LMBRD1: variants seen among roughly 807,000 people sequenced by gnomAD.
LMBRD1 encodes LMBR1 domain containing 1.
LMBRD1 carries 64 observed loss-of-function variants against 74.8 expected under a neutral mutation model. The ratio of observed to expected loss-of-function variants is 0.86; its 90% CI spans 0.70 to 1.05. The LOEUF (loss-of-function observed/expected upper bound fraction) is 1.05, where lower values mean the gene tolerates loss of function less well. Among genes scored for constraint, LMBRD1 ranks in the 50% least tolerant of loss-of-function variants. The probability of loss-of-function intolerance (pLI) is 0.00; values close to 1 mark genes in which losing one functional copy is unlikely to be tolerated. For synonymous variants in LMBRD1, 204 were observed against 216.3 expected (o/e 0.94, Z 0.50); for missense variants, 652 against 645.9 (o/e 1.01, Z -0.10).
chr6:69,773,649 T>C (rs1765620491), intron 3 of LMBRD1, among the ~76,000 whole-genome samples: 1 of 152,228 alleles, frequency 6.6e-6, no homozygotes, highest in African/African-American at 2.4e-5. Flanking sequence ...ACTACAAAAT[T>C]GTTTTAACAG....
intron 2 of LMBRD1, among the ~76,000 whole-genome samples, chr6:69,789,523 T>G (rs1455288698): frequency 6.6e-6 from 1 of 151,536 alleles, no homozygotes; most frequent in Non-Finnish European, 1.5e-5. Flanking sequence ...TGAGCCTCTA[T>G]CTCAACAAAA....
chr6:69,701,926 C>T lies in LMBRD1; in HGVS notation c.943G>A (p.Val315Ile). Reference protein sequence around the residue: ...KIVWGIFFILVALLFVISLFL... With the variant: ...KIVWGIFFILIALLFVISLFL... Reference sequence around the variant, plus strand: ...AGAGAAATTACAAACAGCAATGCAACTAAGATGAAAAATATTCCCCAGACG... The same window carrying T: ...AGAGAAATTACAAACAGCAATGCAATTAAGATGAAAAATATTCCCCAGACG... Residue 315 changes from valine (V) to isoleucine (I), a missense_variant, in exon 10 of 16, where the codon GTT becomes ATT. Val to Ile is a conservative substitution (Grantham distance 29, BLOSUM62 3). This residue lies in a region of LMBRD1 where 598 missense variants were observed against 581.8 expected (regional missense o/e 1.03). Coordinates refer to ENST00000649934, the MANE Select transcript of LMBRD1 (RefSeq NM_018368.4). The T allele has an allele frequency of 1.2e-6, 2 of 1,602,304 alleles. No homozygotes were observed. Among genetic ancestry groups the T allele is most frequent in the Non-Finnish European group, 1.7e-6 (2 of 1,170,164 alleles).
At chr6:69,713,826 T>C in intron 8 of LMBRD1, 29 bp from the exon 9 acceptor site, 2 of 1,612,398 alleles carry the variant, frequency 1.2e-6, no homozygotes, top group Non-Finnish European at 1.7e-6. Context: ...AATAAAAGTT[T>C]TACCATTAAC....
At chr6:69,767,709 C>G (rs1765368870) in intron 3 of LMBRD1, among the ~76,000 whole-genome samples, 1 of 151,858 alleles carries the variant, frequency 6.6e-6, no homozygotes, top group South Asian at 2.1e-4. Context: ...TTAAGTTCAT[C>G]AGTATTGTTG....
At chr6:69,789,233 C>A (rs1562127627) in intron 2 of LMBRD1, among the ~76,000 whole-genome samples, 1 of 152,110 alleles carries the variant, frequency 6.6e-6, no homozygotes, top group Admixed American at 6.6e-5. Context: ...AAATTATTTA[C>A]CCCATTTGGA....
intron 14 of LMBRD1, among the ~76,000 whole-genome samples, chr6:69,684,776 C>A (rs952320916): frequency 2.0e-5 from 3 of 151,810 alleles, no homozygotes; most frequent in African/African-American, 7.3e-5. Context: ...AAGAATTAAT[C>A]CAAATAAAAA....
intron 2 of LMBRD1, among the ~76,000 whole-genome samples, chr6:69,786,959 T>C (rs183963989): frequency 1.3e-5 from 2 of 152,338 alleles, no homozygotes; most frequent in Non-Finnish European, 2.9e-5. Context: ...AGAGAATGTA[T>C]ATATTCATTT....
In LMBRD1 at chr6:69,719,958, A is replaced by AC. The variant is rs1197331796; in HGVS notation, c.637-878dup. Among the ~76,000 whole-genome samples the AC allele has an allele frequency of 1.4e-4, 22 of 152,262 alleles. No homozygotes were observed. The South Asian group carries it at 1.9e-3, about 13-fold the overall frequency. On this transcript the variant is annotated intron_variant, in intron 7 of 15. Coordinates refer to ENST00000649934, the MANE Select transcript of LMBRD1 (RefSeq NM_018368.4). ...TGATAAATGCCACGTTTTAGGCATG[A>AC]CCCCAAACACCAAAATACCCTGGGT...
chr6:69,752,360 T>A lies in LMBRD1; in HGVS notation c.308-4A>T. The A allele has an allele frequency of 6.2e-7, 1 of 1,602,336 alleles. No individual in the cohort carries two copies. Among genetic ancestry groups the A allele is most frequent in the Non-Finnish European group, 8.5e-7 (1 of 1,170,090 alleles). ...AACAATATAACAGAATATAAAGCTG[T>A]GGAAATAAATAATAAACCGAGCTTT... On this transcript the variant is annotated splice_polypyrimidine_tract_variant and splice_region_variant and intron_variant, in intron 3 of 15. Coordinates refer to ENST00000649934, the MANE Select transcript of LMBRD1 (RefSeq NM_018368.4).
In LMBRD1 at chr6:69,784,885, A is replaced by T. The variant is rs184884685; in HGVS notation, c.247-4331T>A. ...CTAAAGTATACAAATTCTAGTAACT[A>T]TTAAACACAAAGAGATACACAAACA... On this transcript the variant is annotated intron_variant, in intron 2 of 15. Transcript: ENST00000649934. 1.4e-4 allele frequency among the ~76,000 whole-genome samples: 22 copies of T among 152,312 alleles called. No individual in the cohort carries two copies. The East Asian group carries it at 4.2e-3, about 29-fold the overall frequency.
At position 69,699,020 on chromosome 6, in the gene LMBRD1, C is replaced by A. The variant is rs1461798219; in HGVS notation, c.1338+23G>T. ...ACTATCTTTAAAATATCAAAATAAT[C>A]AAGTTTCAAATATTTCACTTACCTC... On this transcript the variant is annotated intron_variant, in intron 13 of 15. Coordinates refer to ENST00000649934, the MANE Select transcript of LMBRD1 (RefSeq NM_018368.4). 4.8e-6 allele frequency: 7 copies of A among 1,472,650 alleles called. No individual in the cohort carries two copies. The African/African-American group carries it at 9.7e-5, about 21-fold the overall frequency. The allele number at this position is 1,472,650 out of a possible 1,614,324, so 91.2% of individuals were successfully genotyped here.
intron 1 of LMBRD1, among the ~76,000 whole-genome samples, chr6:69,791,660 TA>T (rs1286609318): frequency 2.0e-5 from 3 of 152,156 alleles, no homozygotes; most frequent in African/African-American, 7.2e-5. Flanking sequence ...CAAATGAAAC[TA>T]ATAAAACCAC....
Position 69,720,892 on chromosome 6 carries a change from C to A in LMBRD1, c.637-1811G>T, listed in dbSNP as rs1214075768. 2.0e-5 allele frequency among the ~76,000 whole-genome samples: 3 copies of A among 152,188 alleles called. No homozygotes were observed. The East Asian group carries it at 5.8e-4, about 29-fold the overall frequency. On this transcript the variant is annotated intron_variant, in intron 7 of 15. Transcript: ENST00000649934. ...CCCTCCGCCATCCCCCAGCGGCAGC[C>A]ATGAGGCACCATGGAAAGAGAATCT...
At chr6:69,677,569 T>C (rs1319364388) in intron 14 of LMBRD1, among the ~76,000 whole-genome samples, 2 of 152,162 alleles carry the variant, frequency 1.3e-5, no homozygotes, top group Non-Finnish European at 2.9e-5. Flanking sequence ...TCTGGGGGTC[T>C]TCCAATATCC....
intron 9 of LMBRD1, among the ~76,000 whole-genome samples, chr6:69,705,024 T>C (rs1030303939): frequency 1.1e-4 from 17 of 151,964 alleles, no homozygotes; most frequent in African/African-American, 4.1e-4. Context: ...CTCCCCACCA[T>C]TTCCATGTCT....
chr6:69,700,939 C>G (rs1766114564), intron 11 of LMBRD1, 70 bp from the exon 12 acceptor site: 3 of 1,002,280 alleles, frequency 3.0e-6, no homozygotes, highest in East Asian at 3.0e-5. Context: ...ATAAAATAAG[C>G]TAAAAACTTC....
chr6:69,790,809 A>G (rs573979937), intron 1 of LMBRD1: 17 of 347,800 alleles, frequency 4.9e-5, no homozygotes, highest in Non-Finnish European at 9.3e-5. Flanking sequence ...GATTTTTCCA[A>G]CCTAAAAGAG....
chr6:69,718,169 G>A (rs1277992155), intron 8 of LMBRD1, among the ~76,000 whole-genome samples: 1 of 152,016 alleles, frequency 6.6e-6, no homozygotes, highest in Admixed American at 6.6e-5. Context: ...ACTTGAAGAC[G>A]ACAGAGGAAG....
In LMBRD1 at chr6:69,699,164, C is replaced by T. The variant is rs1364347331; in HGVS notation, c.1217G>A (p.Arg406Lys). 5 of 1,611,556 alleles carry T rather than the reference C, an allele frequency of 3.1e-6. No homozygotes were observed. Among genetic ancestry groups the T allele is most frequent in the Non-Finnish European group, 3.4e-6 (4 of 1,178,252 alleles). Residue 406 changes from arginine to lysine, a missense_variant, in exon 13 of 16, where the codon AGG becomes AAG. Arg to Lys is a conservative substitution (Grantham distance 26, BLOSUM62 2). Coordinates refer to ENST00000649934, the MANE Select transcript of LMBRD1 (RefSeq NM_018368.4). ...GCAGAGAAAAAGGAGTGCTTGGGGC[C>T]TGGTTCTACCTCTTCTGATTTTATA... ...RLYKIRRGRTRPQALLFLCMI... is the reference protein window; with the variant it reads ...RLYKIRRGRTKPQALLFLCMI...
Sources: gnomAD v4.1 joint callset for allele counts (sites outside exome capture counted in the v4.1 genomes callset) on GRCh38, gnomAD v4.1.1 for gene constraint, gnomAD v4.1.1 regional missense constraint, MANE v1.5 for transcripts, NCBI Gene and HGNC (gene_info 2026-07-23, HGNC 2026-07-21) for gene names.